PPEF2: variants seen among roughly 807,000 people sequenced by gnomAD.
PPEF2 encodes the protein protein phosphatase with EF-hand domain 2, also known as serine/threonine-protein phosphatase with EF-hands 2.
A neutral mutation model predicts 84.7 loss-of-function variants in PPEF2; 84 were observed. That is an observed-to-expected ratio of 0.99 (90% confidence interval 0.83 to 1.19). The LOEUF (loss-of-function observed/expected upper bound fraction) is 1.19, where lower values mean the gene tolerates loss of function less well. Ranked by LOEUF, PPEF2 falls within the 50% of genes most tolerant of loss-of-function variation. PPEF2 has a pLI of 0.00. For synonymous variants in PPEF2, 346 were observed against 345.2 expected, an observed-to-expected ratio of 1.00 and a Z score of -0.03; for missense variants, 924 against 937.5, an observed-to-expected ratio of 0.99 and a Z score of 0.19.
At position 75,891,884 on chromosome 4, in the gene PPEF2, A is replaced by G. The variant is rs1414584158; in HGVS notation, c.150T>C (p.Ser50=). The G allele has an allele frequency of 6.2e-7, 1 of 1,614,060 alleles. No individual in the cohort carries two copies. Among genetic ancestry groups the G allele is most frequent in the South Asian group, 1.1e-5 (1 of 91,078 alleles). ...RRRCTWSIFQ[S]IEYAGQQDQV... ...GGTCTTGCTGCCCAGCATATTCTAT[A>G]GACTGGAAGATGCTCCAGGTGCAAC... Residue 50 remains serine (S), a synonymous_variant, in exon 3 of 17, where the codon TCT becomes TCC. Coordinates refer to ENST00000286719, the MANE Select transcript of PPEF2 (RefSeq NM_006239.3).
At chr4:75,874,647 C>T (rs1016677801) in intron 11 of PPEF2, among the ~76,000 whole-genome samples, 3 of 152,044 alleles carry the variant, frequency 2.0e-5, no homozygotes, top group Admixed American at 1.3e-4. Context: ...AAACTTCATT[C>T]GATTTGTAAA....
In PPEF2 at chr4:75,892,027, C is replaced by A. The variant is rs755347166; in HGVS notation, c.56-49G>T. ...GCCTGTGAGCTCGGACTCCCTGGGCCAGGGGTTTGGGGGTAGGGAGAGGAA... is the reference window on the plus strand; with the variant it reads ...GCCTGTGAGCTCGGACTCCCTGGGCAAGGGGTTTGGGGGTAGGGAGAGGAA... On this transcript the variant is annotated intron_variant, in intron 2 of 16. Coordinates refer to ENST00000286719, the MANE Select transcript of PPEF2 (RefSeq NM_006239.3). 8 of 1,600,252 alleles carry A rather than the reference C, an allele frequency of 5.0e-6. No individual in the cohort carries two copies. In the Admixed American group the frequency reaches 1.2e-4, roughly 23 times the overall value.
At chr4:75,892,081 T>C in intron 2 of PPEF2, 103 bp from the exon 3 acceptor site, 2 of 1,450,600 alleles carry the variant, frequency 1.4e-6, no homozygotes, top group East Asian at 2.3e-5. Context: ...ACTGTATATG[T>C]GAGGACAAGA....
chr4:75,863,896 A>T (rs1724067172), intron 16 of PPEF2, among the ~76,000 whole-genome samples: 1 of 148,880 alleles, frequency 6.7e-6, no homozygotes, highest in Non-Finnish European at 1.5e-5. Flanking sequence ...TTTCCGCGAC[A>T]GAGTCTCACT....
At chr4:75,880,827 G>T (rs1270940758) in intron 10 of PPEF2, among the ~76,000 whole-genome samples, 1 of 133,772 alleles carries the variant, frequency 7.5e-6, no homozygotes, top group Non-Finnish European at 1.6e-5. Flanking sequence ...TTGAGACAGA[G>T]TCTCACTCTG....
chr4:75,900,103 A>G (rs1247271867), intron 1 of PPEF2, among the ~76,000 whole-genome samples: 1 of 152,258 alleles, frequency 6.6e-6, no homozygotes, highest in Non-Finnish European at 1.5e-5. Flanking sequence ...TTATTTTAAA[A>G]TATCAACAAC....
At chr4:75,872,569 G>C (rs1724307461) in intron 12 of PPEF2, among the ~76,000 whole-genome samples, 1 of 152,142 alleles carries the variant, frequency 6.6e-6, no homozygotes, top group Non-Finnish European at 1.5e-5. Flanking sequence ...ACGGAATGTT[G>C]TGGCTCCTCA....
chr4:75,884,043 G>A (rs1200445752), intron 8 of PPEF2, among the ~76,000 whole-genome samples: 1 of 152,144 alleles, frequency 6.6e-6, no homozygotes, highest in African/African-American at 2.4e-5. Flanking sequence ...AGAGGCAGGA[G>A]AATCGCTTGA....
At chr4:75,872,233 T>C (rs1395139665) in intron 12 of PPEF2, 66 bp from the exon 13 acceptor site, 3 of 1,482,558 alleles carry the variant, frequency 2.0e-6, no homozygotes, top group Admixed American at 4.2e-5. Flanking sequence ...CTCAATCCTA[T>C]GTGGCCCAAC....
chr4:75,878,948 C>T (rs1724497772), intron 10 of PPEF2, among the ~76,000 whole-genome samples: 1 of 152,162 alleles, frequency 6.6e-6, no homozygotes. Flanking sequence ...GCAGACCCTC[C>T]TTGTTAGAAG....
At chr4:75,875,611 G>GAAAAAC (rs1006464273) in intron 11 of PPEF2, among the ~76,000 whole-genome samples, 1 of 152,014 alleles carries the variant, frequency 6.6e-6, no homozygotes, top group Non-Finnish European at 1.5e-5. Context: ...TTGTCTCAAA[G>GAAAAAC]AAAAACAAAA....
chr4:75,860,640 C>A lies in PPEF2; in HGVS notation c.*27G>T. 6.2e-7 allele frequency: 1 copy of A among 1,611,456 alleles called. No individual in the cohort carries two copies. Among genetic ancestry groups the A allele is most frequent in the Non-Finnish European group, 8.5e-7 (1 of 1,178,470 alleles). ...GAAGCTGAGCATTGCCTATGAGGCA[C>A]TTTGGGTGATGAAGACCAGGCTGTT... On this transcript the variant is annotated 3_prime_UTR_variant, in exon 17 of 17. Coordinates refer to ENST00000286719, the MANE Select transcript of PPEF2 (RefSeq NM_006239.3).
At chr4:75,865,779 C>G (rs1161861173) in intron 15 of PPEF2, among the ~76,000 whole-genome samples, 1 of 152,112 alleles carries the variant, frequency 6.6e-6, no homozygotes, top group Admixed American at 6.5e-5. Context: ...GTTGCACATA[C>G]GTTACATATT....
At chr4:75,870,719 T>C (rs934440890) in intron 13 of PPEF2, among the ~76,000 whole-genome samples, 2 of 152,178 alleles carry the variant, frequency 1.3e-5, no homozygotes, top group Admixed American at 6.5e-5. Flanking sequence ...ACAGGTCAGA[T>C]GATTTAACAT....
intron 10 of PPEF2, among the ~76,000 whole-genome samples, chr4:75,877,822 T>C (rs1230878070): frequency 6.6e-6 from 1 of 152,198 alleles, no homozygotes; most frequent in Non-Finnish European, 1.5e-5. Context: ...AGTATTGATC[T>C]GCAACAAATT....
chr4:75,881,353 C>G (rs1724569481), intron 10 of PPEF2: 1 of 152,308 alleles, frequency 6.6e-6, no homozygotes, highest in South Asian at 2.1e-4. Context: ...TGGCCTCCGA[C>G]TCTCAGAGTG....
chr4:75,880,521 T>C (rs1236532555), intron 10 of PPEF2, among the ~76,000 whole-genome samples: 1 of 152,230 alleles, frequency 6.6e-6, no homozygotes, highest in Non-Finnish European at 1.5e-5. Context: ...TTAGCATTCT[T>C]TCCCAGAGTT....
intron 16 of PPEF2, 40 bp downstream of exon 16, chr4:75,864,400 T>TG: frequency 7.0e-7 from 1 of 1,428,382 alleles, no homozygotes; most frequent in Non-Finnish European, 9.9e-7. Context: ...GTAAAATACT[T>TG]GCAGTGCTTC....
chr4:75,867,028 C>T (rs186025474), intron 14 of PPEF2, among the ~76,000 whole-genome samples: 1 of 152,258 alleles, frequency 6.6e-6, no homozygotes, highest in Non-Finnish European at 1.5e-5. Flanking sequence ...ACTCTTATAA[C>T]TTCTCCCACT....
Sources: gnomAD v4.1 joint callset for allele counts (sites outside exome capture counted in the v4.1 genomes callset) on GRCh38, gnomAD v4.1.1 for gene constraint, MANE v1.5 for transcripts, NCBI Gene and HGNC (gene_info 2026-07-23, HGNC 2026-07-21) for gene names.